Variants in DOCK4 observed in about 807,000 individuals in gnomAD.
The protein encoded by DOCK4 is dedicator of cytokinesis protein 4.
DOCK4 carries 97 observed loss-of-function variants against 268.1 expected under a neutral mutation model. The observed-to-expected ratio is 0.36, with a 90% CI of 0.31 to 0.43. DOCK4 has a LOEUF of 0.43. Ranked by LOEUF, DOCK4 falls within the 20% of genes least tolerant of loss-of-function variation. The probability of loss-of-function intolerance (pLI) is 1.00; values close to 1 mark genes in which losing one functional copy is unlikely to be tolerated. For missense variants in DOCK4, 2,145 were observed against 2,455.7 expected (o/e 0.87, Z 2.67); for synonymous variants, 954 against 887.2 (o/e 1.08, Z -1.34).
chr7:112,155,960 T>A (rs898669098), intron 1 of DOCK4, among the ~76,000 whole-genome samples: 1 of 152,162 alleles, frequency 6.6e-6, no homozygotes, highest in African/African-American at 2.4e-5. Context: ...AATTTAAAAA[T>A]AAAGAGCCAT....
intron 44 of DOCK4, 33 bp from the exon 45 acceptor site, chr7:111,742,165 T>G: frequency 6.5e-7 from 1 of 1,535,900 alleles, no homozygotes; most frequent in Non-Finnish European, 8.7e-7. Flanking sequence ...AAACCTCACA[T>G]CAATGACTAC....
intron 16 of DOCK4, among the ~76,000 whole-genome samples, chr7:111,879,078 C>T (rs1807156981): frequency 6.6e-6 from 1 of 151,938 alleles, no homozygotes; most frequent in Non-Finnish European, 1.5e-5. Flanking sequence ...CTCCTTCTTT[C>T]TGCTTGAGGA....
chr7:111,907,353 A>G (rs1791671683), intron 13 of DOCK4, among the ~76,000 whole-genome samples: 1 of 152,186 alleles, frequency 6.6e-6, no homozygotes, highest in Non-Finnish European at 1.5e-5. Flanking sequence ...GGCTCTCCAG[A>G]CAGTTTTGCT....
intron 1 of DOCK4, among the ~76,000 whole-genome samples, chr7:112,133,845 T>C (rs1427864140): frequency 6.6e-6 from 1 of 152,204 alleles, no homozygotes; most frequent in Non-Finnish European, 1.5e-5. Flanking sequence ...GGTTATTAAG[T>C]GAACCAGTGT....
chr7:112,041,612 C>A (rs1804365933), intron 1 of DOCK4, among the ~76,000 whole-genome samples: 1 of 152,178 alleles, frequency 6.6e-6, no homozygotes, highest in African/African-American at 2.4e-5. Context: ...TTCTACTCTA[C>A]CCATCTGTTT....
intron 44 of DOCK4, among the ~76,000 whole-genome samples, chr7:111,745,109 C>A (rs1037668553): frequency 2.0e-5 from 3 of 152,178 alleles, no homozygotes; most frequent in Admixed American, 6.5e-5. Flanking sequence ...TTCAGGCTAT[C>A]AATAGGGACA....
chr7:112,124,819 C>G (rs1813067120), intron 1 of DOCK4, among the ~76,000 whole-genome samples: 1 of 152,178 alleles, frequency 6.6e-6, no homozygotes, highest in Non-Finnish European at 1.5e-5. Context: ...TTTACTGATA[C>G]ATTTCATATA....
At chr7:112,173,862 A>G (rs993663618) in intron 1 of DOCK4, among the ~76,000 whole-genome samples, 1 of 152,076 alleles carries the variant, frequency 6.6e-6, no homozygotes, top group Non-Finnish European at 1.5e-5. Flanking sequence ...TACATAAGAG[A>G]GCAAGCAGAA....
chr7:112,071,543 A>G (rs1220320329), intron 1 of DOCK4, among the ~76,000 whole-genome samples: 3 of 152,256 alleles, frequency 2.0e-5, no homozygotes, highest in Non-Finnish European at 2.9e-5. Flanking sequence ...TAAAAAATTA[A>G]AAGTTAAAAA....
At chr7:111,898,610 C>A (rs1008817963) in intron 15 of DOCK4, among the ~76,000 whole-genome samples, 6 of 152,144 alleles carry the variant, frequency 3.9e-5, no homozygotes, top group African/African-American at 1.2e-4. Flanking sequence ...GGGTGTTCAA[C>A]AAATATTTGT....
At chr7:111,764,442 G>A (rs1208394307) in intron 39 of DOCK4, among the ~76,000 whole-genome samples, 7 of 152,116 alleles carry the variant, frequency 4.6e-5, no homozygotes, top group South Asian at 4.1e-4. Context: ...TTAGTTGCTT[G>A]GGGAATTACA....
chr7:112,151,094 C>A (rs1707428281), intron 1 of DOCK4, among the ~76,000 whole-genome samples: 1 of 152,142 alleles, frequency 6.6e-6, no homozygotes. Flanking sequence ...ATACTTTTAT[C>A]ATACCCTGGA....
At chr7:111,830,548 G>T (rs78192014) in intron 26 of DOCK4, among the ~76,000 whole-genome samples, 2 of 152,176 alleles carry the variant, frequency 1.3e-5, no homozygotes, top group Admixed American at 6.5e-5. Context: ...CTGGGAAAGT[G>T]TAAGAATCTT....
chr7:111,844,301 T>C (rs1273848152), intron 25 of DOCK4, among the ~76,000 whole-genome samples: 3 of 152,112 alleles, frequency 2.0e-5, no homozygotes, highest in Admixed American at 6.6e-5. Context: ...ACTTTGCCAA[T>C]TCCAACCTTC....
At position 112,007,292 on chromosome 7, in the gene DOCK4, A is replaced by C. The variant is rs182321896; in HGVS notation, c.38-3161T>G. ...TTTCAAGAGCCAGCATGAACATCTG[A>C]GTATAAGAATGGAGTACAAATACAT... On this transcript the variant is annotated intron_variant, in intron 1 of 52. Coordinates refer to ENST00000428084, the MANE Select transcript of DOCK4 (RefSeq NM_001363540.2). 1.0e-3 allele frequency among the ~76,000 whole-genome samples: 152 copies of C among 152,234 alleles called. 1 individual carries two copies. Among genetic ancestry groups the C allele is most frequent in the African/African-American group, 3.5e-3 (147 of 41,532 alleles).
intron 1 of DOCK4, among the ~76,000 whole-genome samples, chr7:112,175,013 T>G (rs535683010): frequency 5.4e-4 from 80 of 148,582 alleles, no homozygotes; most frequent in Non-Finnish European, 9.2e-4. Flanking sequence ...CGATCTTGGC[T>G]CACTGAAACC....
intron 1 of DOCK4, among the ~76,000 whole-genome samples, chr7:112,131,649 T>G (rs1462727044): frequency 6.6e-6 from 1 of 152,234 alleles, no homozygotes; most frequent in East Asian, 1.9e-4. Context: ...TTATTCACTT[T>G]TTTTGTTACA....
intron 24 of DOCK4, among the ~76,000 whole-genome samples, chr7:111,846,438 A>T (rs982057610): frequency 6.6e-6 from 1 of 151,856 alleles, no homozygotes; most frequent in Non-Finnish European, 1.5e-5. Flanking sequence ...TGCATTCTCT[A>T]ATGCAATTGC....
chr7:112,065,270 T>TG (rs1806813679), intron 1 of DOCK4, among the ~76,000 whole-genome samples: 1 of 151,934 alleles, frequency 6.6e-6, no homozygotes, highest in Non-Finnish European at 1.5e-5. Context: ...CAGCATGGCT[T>TG]GGAGTGCCAT....
Sources: allele counts gnomAD v4.1 joint callset (sites outside exome capture counted in the v4.1 genomes callset), GRCh38; gene constraint gnomAD v4.1.1; transcripts MANE v1.5; gene names NCBI Gene and HGNC (gene_info 2026-07-23, HGNC 2026-07-21).